Variants in MCF2L observed in about 807,000 individuals in gnomAD.
MCF2L encodes the protein guanine nucleotide exchange factor DBS.
A neutral mutation model predicts 153.4 loss-of-function variants in MCF2L; 97 were observed. The ratio of observed to expected loss-of-function variants is 0.63; its 90% CI spans 0.54 to 0.75. MCF2L has a LOEUF of 0.75. Ranked by LOEUF, MCF2L falls within the 30% of genes least tolerant of loss-of-function variation. The pLI, the probability that MCF2L is intolerant of heterozygous loss-of-function variation, is 0.00. For missense variants in MCF2L, 1,347 were observed against 1,495.2 expected (o/e 0.90, Z 1.64); for synonymous variants, 659 against 632.2 (o/e 1.04, Z -0.64).
intron 3 of MCF2L, among the ~76,000 whole-genome samples, chr13:113,034,539 CCTCACCCTCGCCCTGGT>C (rs1484501940): frequency 2.0e-5 from 3 of 152,002 alleles, no homozygotes; most frequent in Non-Finnish European, 2.9e-5. Flanking sequence ...TCACCCTCAC[CCTCACCCTCGCCCTGGT>C]CTCACCCTCG....
At chr13:112,920,294 G>A (rs1375631331) in intron 2 of MCF2L, among the ~76,000 whole-genome samples, 1 of 152,154 alleles carries the variant, frequency 6.6e-6, no homozygotes, top group African/African-American at 2.4e-5. Context: ...TTTGTTGTTT[G>A]TAGTTGGTGC....
intron 2 of MCF2L, chr13:112,909,507 G>T (rs945420248): frequency 1.5e-5 from 8 of 518,380 alleles, no homozygotes; most frequent in Non-Finnish European, 2.4e-5. Flanking sequence ...AGCGCAGAGG[G>T]TGCGCAGCCA....
At position 113,096,829 on chromosome 13, in the gene MCF2L, C is replaced by G. The variant is rs1330251840; in HGVS notation, c.3348C>G (p.Gly1116=). The G allele has an allele frequency of 1.3e-6, 2 of 1,524,186 alleles. No individual in the cohort carries two copies. The highest frequency in any genetic ancestry group is 1.7e-6 in the Non-Finnish European group (2 of 1,146,300). 94.4% of individuals were successfully genotyped at this position (1,524,186 alleles called of 1,614,324 possible). ...ACTCGTCCAGCTGCAGCGAGGGCGG[C>G]CAGGCCCCCTTCTCCGACCTGCAGG... ...LSNSSSCSEG[G]QAPFSDLQG Residue 1116 remains glycine, a synonymous_variant, in exon 30 of 30, where the codon GGC becomes GGG. Transcript: ENST00000535094.
At chr13:113,050,301 TGA>T (rs1566802154) in intron 4 of MCF2L, among the ~76,000 whole-genome samples, 7 of 151,714 alleles carry the variant, frequency 4.6e-5, no homozygotes, top group African/African-American at 1.5e-4. Context: ...TGTGTGTGTG[TGA>T]GAGTGAGTGT....
At chr13:113,090,035 C>G (rs2035049923) in intron 26 of MCF2L, 1 of 1,592,826 alleles carries the variant, frequency 6.3e-7, no homozygotes, top group African/African-American at 1.3e-5. Context: ...GGTTGCGATG[C>G]CCTCTGCATA....
intron 2 of MCF2L, among the ~76,000 whole-genome samples, chr13:112,925,607 C>G (rs2081393769): frequency 1.3e-5 from 2 of 152,148 alleles, no homozygotes; most frequent in African/African-American, 2.4e-5. Context: ...GCAAAACTAG[C>G]TTCTCTGGTA....
chr13:113,071,053 G>A (rs9549655), intron 9 of MCF2L, among the ~76,000 whole-genome samples: 21,670 of 151,960 alleles, frequency 0.14, 2,074 homozygotes, highest in East Asian at 0.45. Flanking sequence ...TCCCCAGCAC[G>A]TGGTGGGGTA....
intron 7 of MCF2L, chr13:113,065,324 G>T (rs995859491): frequency 1.7e-5 from 9 of 537,628 alleles, no homozygotes; most frequent in Non-Finnish European, 3.0e-5. Flanking sequence ...TGCTGGCTGC[G>T]CCTGCCATTC....
chr13:112,982,562 G>T (rs564703189), intron 1 of MCF2L, among the ~76,000 whole-genome samples: 8 of 152,296 alleles, frequency 5.3e-5, no homozygotes, highest in African/African-American at 1.9e-4. Flanking sequence ...GAGGGTGTGC[G>T]CCACGGAAGG....
At chr13:112,997,094 CTG>C (rs1209293421) in intron 1 of MCF2L, among the ~76,000 whole-genome samples, 25 of 152,248 alleles carry the variant, frequency 1.6e-4, no homozygotes, top group Admixed American at 1.4e-3. Context: ...CGGAGGGACT[CTG>C]AGATCATCTC....
chr13:112,999,502 C>A (rs1452474910), intron 1 of MCF2L, among the ~76,000 whole-genome samples: 1 of 152,198 alleles, frequency 6.6e-6, no homozygotes, highest in Non-Finnish European at 1.5e-5. Flanking sequence ...TCCTCTTTTT[C>A]GGCTGATCTT....
At chr13:113,040,168 G>A (rs747060385) in intron 3 of MCF2L, among the ~76,000 whole-genome samples, 8 of 152,126 alleles carry the variant, frequency 5.3e-5, no homozygotes, top group South Asian at 2.1e-4. Context: ...AAAATTCAAC[G>A]GCAGGCAAAA....
chr13:112,901,565 G>C (rs1317735620), intron 1 of MCF2L, among the ~76,000 whole-genome samples: 1 of 152,212 alleles, frequency 6.6e-6, no homozygotes, highest in African/African-American at 2.4e-5. Flanking sequence ...GCACGGAAAG[G>C]CACCACAGGT....
intron 2 of MCF2L, among the ~76,000 whole-genome samples, chr13:112,914,783 T>A (rs1195694073): frequency 6.6e-6 from 1 of 152,246 alleles, no homozygotes; most frequent in Non-Finnish European, 1.5e-5. Flanking sequence ...CTTTTAATGT[T>A]TTCTAGGCGC....
chr13:113,022,390 C>T (rs1348700837), intron 2 of MCF2L, among the ~76,000 whole-genome samples: 23 of 151,098 alleles, frequency 1.5e-4, no homozygotes, highest in Non-Finnish European at 1.2e-4. Flanking sequence ...CACCCACCCC[C>T]GCCGGCCAGG....
rs1475298689 is a variant in MCF2L at position 113,024,703 on chromosome 13, G to A, written c.223G>A (p.Glu75Lys). 5.0e-6 allele frequency: 8 copies of A among 1,614,096 alleles called. No individual in the cohort carries two copies. The highest frequency in any genetic ancestry group is 2.2e-5 in the East Asian group (1 of 44,894). Residue 75 changes from glutamate to lysine, a missense_variant, in exon 3 of 30, where the codon GAG becomes AAG. Glu to Lys is a moderately conservative substitution (Grantham distance 56, BLOSUM62 1). Coordinates refer to ENST00000535094, the MANE Select transcript of MCF2L (RefSeq NM_001112732.3). ...CTTCCCTGACTACCCGGCCTTCAGC[G>A]AGATTCCGGACAAGGAGTTCCAGAA... The part of the protein sequence containing the change: ...ITFPDYPAFS[E>K]IPDKEFQNVM...
chr13:113,077,916 T>A (rs1388997418), intron 13 of MCF2L, among the ~76,000 whole-genome samples: 1 of 152,200 alleles, frequency 6.6e-6, no homozygotes, highest in African/African-American at 2.4e-5. Context: ...CTGTGCTGGG[T>A]CCCAGGCGAC....
At chr13:113,079,612 G>A (rs1471296680) in intron 15 of MCF2L, among the ~76,000 whole-genome samples, 7 of 152,204 alleles carry the variant, frequency 4.6e-5, no homozygotes, top group Non-Finnish European at 7.3e-5. Context: ...GTTGGGAGAC[G>A]GCGCAAAATT....
chr13:112,990,890 G>T (rs915220957), intron 1 of MCF2L, among the ~76,000 whole-genome samples: 1 of 152,232 alleles, frequency 6.6e-6, no homozygotes, highest in Admixed American at 6.5e-5. Context: ...GCTTTGAGGA[G>T]AGCGCAGCTG....
Sources: gnomAD v4.1 joint callset for allele counts (sites outside exome capture counted in the v4.1 genomes callset) on GRCh38, gnomAD v4.1.1 for gene constraint, MANE v1.5 for transcripts, NCBI Gene and HGNC (gene_info 2026-07-23, HGNC 2026-07-21) for gene names.